LY75: variants seen among roughly 807,000 people sequenced by gnomAD.
LY75 encodes C-type lectin domain family 13 member B.
Under a neutral mutation model 231.7 loss-of-function variants are expected in LY75, and 185 were observed. The ratio of observed to expected loss-of-function variants is 0.80; its 90% CI spans 0.71 to 0.90. The LOEUF (loss-of-function observed/expected upper bound fraction) is 0.90, where lower values mean the gene tolerates loss of function less well. Ranked by LOEUF, LY75 falls within the 40% of genes least tolerant of loss-of-function variation. LY75 has a pLI of 0.00. For missense variants in LY75, 1,947 were observed against 2,050.2 expected, an observed-to-expected ratio of 0.95 and a Z score of 0.97; for synonymous variants, 668 against 689.0, an observed-to-expected ratio of 0.97 and a Z score of 0.48.
At position 159,891,635 on chromosome 2, in the gene LY75, C is replaced by T. The variant is rs550215133; in HGVS notation, c.638-1258G>A. 6.6e-5 allele frequency among the ~76,000 whole-genome samples: 10 copies of T among 152,188 alleles called. No homozygotes were observed. The South Asian group carries it at 1.5e-3, about 22-fold the overall frequency. ...ATTAACACCACTGTATGTGTCACAC[C>T]CCCAAAGCCCCAGCACACACACAAC... On this transcript the variant is annotated intron_variant, in intron 3 of 34. Coordinates refer to ENST00000263636, the MANE Select transcript of LY75 (RefSeq NM_002349.4).
intron 3 of LY75, among the ~76,000 whole-genome samples, chr2:159,893,037 T>A (rs1304219599): frequency 6.6e-6 from 1 of 152,180 alleles, no homozygotes; most frequent in East Asian, 1.9e-4. Context: ...AAAGCCACTG[T>A]TTTGGACTAA....
intron 25 of LY75, among the ~76,000 whole-genome samples, chr2:159,836,243 G>T (rs1029627502): frequency 5.3e-5 from 8 of 152,134 alleles, no homozygotes; most frequent in African/African-American, 1.7e-4. Flanking sequence ...GAATTAATGG[G>T]ATAACATGTG....
intron 8 of LY75, among the ~76,000 whole-genome samples, chr2:159,880,811 C>T (rs1464604339): frequency 2.0e-5 from 3 of 152,146 alleles, no homozygotes; most frequent in African/African-American, 4.8e-5. Flanking sequence ...ATGTGCAGTT[C>T]ATAATAGGGT....
chr2:159,822,596 C>T (rs1412745455), intron 28 of LY75, among the ~76,000 whole-genome samples: 1 of 152,208 alleles, frequency 6.6e-6, no homozygotes, highest in African/African-American at 2.4e-5. Flanking sequence ...CAGCGGACCT[C>T]CCAGCACAGT....
At position 159,882,313 on chromosome 2, in the gene LY75, C is replaced by T; in HGVS notation, c.1057G>A (p.Val353Ile). 3.1e-6 allele frequency: 5 copies of T among 1,612,406 alleles called. No individual in the cohort carries two copies. Among genetic ancestry groups the T allele is most frequent in the Non-Finnish European group, 4.2e-6 (5 of 1,179,344 alleles). ...CAGCGGGTATCTGAGTATGTCCAGA[C>T]ATCTGGGGGAAAAGCAGCTATTTAT... is the stretch of plus-strand genomic sequence containing the variant. ...PLNNTVELTD[V>I]WTYSDTRCDA... The change falls in exon 7 of 35, where the codon GTC (valine) becomes ATC (isoleucine). Residue 353 changes from valine (V) to isoleucine (I), a missense_variant and splice_region_variant. Physicochemically the swap from Val to Ile is conservative, Grantham distance 29. Coordinates refer to ENST00000263636, the MANE Select transcript of LY75 (RefSeq NM_002349.4).
At chr2:159,899,353 A>G (rs921347646) in intron 1 of LY75, among the ~76,000 whole-genome samples, 4 of 152,150 alleles carry the variant, frequency 2.6e-5, no homozygotes, top group Admixed American at 6.5e-5. Context: ...CAGTTTTCAT[A>G]TGATGGTTGT....
Position 159,870,279 on chromosome 2 carries a change from G to A in LY75, c.2117+2172C>T, listed in dbSNP as rs139128705. Among the ~76,000 whole-genome samples the A allele has an allele frequency of 6.4e-4, 97 of 152,012 alleles. 1 individual carries two copies. The East Asian group carries it at 0.018, about 28-fold the overall frequency. ...TAGCCTGGGCAACATGGAAAAACCC[G>A]TTTCTACAAAAAAATACAAACATTA... On this transcript the variant is annotated intron_variant, in intron 13 of 34. Transcript: ENST00000263636.
Position 159,850,976 on chromosome 2 carries a change from A to C in LY75, c.2884-509T>G, listed in dbSNP as rs1001586158. On this transcript the variant is annotated intron_variant, in intron 21 of 34. Transcript: ENST00000263636. ...GAGACAGAAACTGAGGCACAGGGAC[A>C]TTAAATAACTTCATCCATAAGTGAA... is the stretch of plus-strand genomic sequence containing the variant. Among the ~76,000 whole-genome samples the C allele has an allele frequency of 5.3e-5, 8 of 151,542 alleles. No individual in the cohort carries two copies. In the East Asian group the frequency reaches 1.5e-3, roughly 29 times the overall value.
intron 33 of LY75, chr2:159,808,213 G>T: frequency 1.2e-6 from 1 of 824,736 alleles, no homozygotes; most frequent in African/African-American, 1.8e-5. Flanking sequence ...CCTCTAGAAA[G>T]ATTCCACTTT....
rs780558366 is a variant in LY75, at chr2:159,842,340, A to G, written c.3185T>C (p.Leu1062Pro). The G allele has an allele frequency of 3.7e-6, 6 of 1,612,412 alleles. No homozygotes were observed. Among genetic ancestry groups the G allele is most frequent in the Non-Finnish European group, 4.2e-6 (5 of 1,178,922 alleles). Reference protein sequence around the residue: ...FEEESRYHCALILNLQKSPFT... With the variant: ...FEEESRYHCAPILNLQKSPFT... ...CGGTGATTTTTGGAGGTTGAGTATT[A>G]GGGCACAGTGGTAGCGAGACTCTTC... Residue 1062 changes from leucine to proline, a missense_variant, in exon 24 of 35, where the codon CTA (leucine) becomes CCA (proline). By Grantham distance (98) the Leu-to-Pro change is moderately conservative. Transcript: ENST00000263636.
intron 2 of LY75, among the ~76,000 whole-genome samples, chr2:159,897,423 G>C (rs1334571526): frequency 9.9e-5 from 15 of 152,166 alleles, no homozygotes; most frequent in Admixed American, 9.8e-4. Context: ...GGAGGAAACT[G>C]GCTCGCAGAA....
At chr2:159,897,634 C>A (rs1445588931) in intron 2 of LY75, among the ~76,000 whole-genome samples, 1 of 152,040 alleles carries the variant, frequency 6.6e-6, no homozygotes, top group Non-Finnish European at 1.5e-5. Context: ...GACTTTGAGG[C>A]CAAATTTAGC....
intron 18 of LY75, 44 bp downstream of exon 18, chr2:159,854,316 T>C: frequency 8.0e-7 from 1 of 1,249,308 alleles, no homozygotes. Flanking sequence ...ATGGAATAAA[T>C]ACAAAAATAA....
At position 159,817,035 on chromosome 2, in the gene LY75, A is replaced by G; in HGVS notation, c.4154-3T>C. ...ATTATATTCTTCTTTGTAGTCAACT[A>G]TAATAATTAAAAGCACTGGTGATTA... On this transcript the variant is annotated splice_region_variant and splice_polypyrimidine_tract_variant and intron_variant, in intron 29 of 34. Transcript: ENST00000263636. 1.3e-6 allele frequency: 2 copies of G among 1,587,676 alleles called. No individual in the cohort carries two copies. Among genetic ancestry groups the G allele is most frequent in the South Asian group, 1.2e-5 (1 of 86,124 alleles).
At chr2:159,813,752 C>G (rs1683035792) in intron 31 of LY75, 1 of 152,238 alleles carries the variant, frequency 6.6e-6, no homozygotes, top group South Asian at 2.1e-4. Context: ...AAGTCACATT[C>G]TAAGGTTCTG....
chr2:159,900,232 T>A (rs183704591), intron 1 of LY75, among the ~76,000 whole-genome samples: 4 of 152,314 alleles, frequency 2.6e-5, no homozygotes, highest in Admixed American at 1.3e-4. Context: ...GAATGGGAGC[T>A]CAGCATCAAA....
intron 31 of LY75, 64 bp from the exon 32 acceptor site, chr2:159,810,739 A>G: frequency 6.3e-7 from 1 of 1,586,924 alleles, no homozygotes; most frequent in Non-Finnish European, 8.6e-7. Flanking sequence ...TTCAAAATCT[A>G]CTTCAATGTC....
chr2:159,878,323 C>A lies in LY75; in HGVS notation c.1774+1G>T. ...ACTACTTCAAAGATTAAGACACTCA[C>A]CTGGCTCAAGAAAATTCCAGTTGGA... On this transcript the variant is annotated splice_donor_variant, in intron 11 of 34. Transcript: ENST00000263636. LOFTEE classifies it high-confidence loss of function. 6.2e-6 allele frequency: 10 copies of A among 1,613,618 alleles called. No individual in the cohort carries two copies. The highest frequency in any genetic ancestry group is 7.6e-6 in the Non-Finnish European group (9 of 1,179,764).
chr2:159,818,363 C>G (rs898918443), intron 29 of LY75, among the ~76,000 whole-genome samples: 2 of 152,206 alleles, frequency 1.3e-5, no homozygotes, highest in African/African-American at 4.8e-5. Flanking sequence ...TCCCTCACAT[C>G]TTTGGTCTTC....
Sources: allele counts gnomAD v4.1 joint callset (sites outside exome capture counted in the v4.1 genomes callset), GRCh38; gene constraint gnomAD v4.1.1; transcripts MANE v1.5; gene names NCBI Gene and HGNC (gene_info 2026-07-23, HGNC 2026-07-21).